Variants in BTBD1 observed in about 807,000 individuals in gnomAD.
BTBD1 encodes the protein BTB/POZ domain-containing protein 1.
Under a neutral mutation model 48.0 loss-of-function variants are expected in BTBD1, and 34 were observed. The ratio of observed to expected loss-of-function variants is 0.71; its 90% CI spans 0.54 to 0.94. The LOEUF (loss-of-function observed/expected upper bound fraction) is 0.94, where lower values mean the gene tolerates loss of function less well. BTBD1 is among the 40% of genes least tolerant of loss of function. The probability of loss-of-function intolerance (pLI) is 0.00; values close to 1 mark genes in which losing one functional copy is unlikely to be tolerated. For synonymous variants in BTBD1, 261 were observed against 242.1 expected (o/e 1.08, Z -0.72); for missense variants, 543 against 625.6 (o/e 0.87, Z 1.41).
At position 83,017,382 on chromosome 15, in the gene BTBD1, A is replaced by G. The variant is rs1193658309; in HGVS notation, c.*685T>C. ...GGGAATCCAGTCTTAGATCCTGTTT[A>G]TATCACATTTTTGTGAATTTACACA... On this transcript the variant is annotated 3_prime_UTR_variant, in exon 8 of 8. Transcript: ENST00000261721. The G allele has an allele frequency of 6.6e-6, 1 of 152,642 alleles. No individual in the cohort carries two copies. The highest frequency in any genetic ancestry group is 1.5e-5 in the Non-Finnish European group (1 of 68,052). 9.5% of individuals were successfully genotyped at this position (152,642 alleles called of 1,614,324 possible). A position where few individuals can be genotyped will look rare whatever the true frequency, so the allele number is the denominator to read the frequency against.
At chr15:83,043,323 A>G (rs752572878) in intron 3 of BTBD1, among the ~76,000 whole-genome samples, 2 of 152,160 alleles carry the variant, frequency 1.3e-5, no homozygotes, top group African/African-American at 4.8e-5. Flanking sequence ...AAGGAGGCCA[A>G]CGTGGTGGAG....
chr15:83,019,785 CAG>C (rs888410578), intron 6 of BTBD1, among the ~76,000 whole-genome samples: 4 of 150,936 alleles, frequency 2.7e-5, no homozygotes, highest in African/African-American at 9.7e-5. Flanking sequence ...TTAGTAGAGA[CAG>C]GGTTTCACCA....
Position 83,050,167 on chromosome 15 carries a change from A to G in BTBD1, c.570T>C (p.Phe190=). 1 of 1,611,378 alleles carries G rather than the reference A, an allele frequency of 6.2e-7. No homozygotes were observed. The highest frequency in any genetic ancestry group is 8.5e-7 in the Non-Finnish European group (1 of 1,178,148). ...AAAGACTAGCAAGCTGAGGTTCATC[A>G]AATAATCGAGCCTAAACATATAAAG... ...AFMLLTQARL[F]DEPQLASLCL... is the part of the protein sequence containing the mutation. The change falls in exon 3 of 8, where the codon TTT becomes TTC. Residue 190 remains phenylalanine, a synonymous_variant. Transcript: ENST00000261721.
In BTBD1 at chr15:83,018,141, AAAAGAAAAAAACAGTCTT is replaced by A. The variant is rs777656407; in HGVS notation, c.1357_1374del (p.Lys453_Phe458del). The A allele has an allele frequency of 6.2e-7, 1 of 1,612,868 alleles. No homozygotes were observed. Among genetic ancestry groups the A allele is most frequent in the Non-Finnish European group, 8.5e-7 (1 of 1,179,406 alleles). ...CCATTATTATTGCCAGGGGAACTAA[AAAAGAAAAAAACAGTCTT>A]GCTTGCAGCAGGTGTCTCATGCACT... On this transcript the variant is annotated inframe_deletion, in exon 8 of 8. Coordinates refer to ENST00000261721, the MANE Select transcript of BTBD1 (RefSeq NM_025238.4).
chr15:83,032,986 A>AAAAAAAC (rs1555439417), intron 4 of BTBD1, among the ~76,000 whole-genome samples: 1 of 151,364 alleles, frequency 6.6e-6, no homozygotes, highest in African/African-American at 2.4e-5. Flanking sequence ...AAAAAAAAAA[A>AAAAAAAC]AACAGAATAG....
At chr15:83,059,455 G>C (rs1000481462) in intron 1 of BTBD1, among the ~76,000 whole-genome samples, 1 of 152,216 alleles carries the variant, frequency 6.6e-6, no homozygotes, top group Non-Finnish European at 1.5e-5. Flanking sequence ...TGAGGCAGGA[G>C]AATCACTTGA....
chr15:83,049,965 T>C (rs747288500), intron 3 of BTBD1, 108 bp downstream of exon 3: 3 of 614,198 alleles, frequency 4.9e-6, no homozygotes, highest in East Asian at 5.5e-5. Context: ...GAGACTTCAA[T>C]CATTTGGGAA....
intron 3 of BTBD1, among the ~76,000 whole-genome samples, chr15:83,045,497 T>C (rs1385677259): frequency 6.6e-6 from 1 of 151,488 alleles, no homozygotes; most frequent in East Asian, 1.9e-4. Flanking sequence ...AAACTCTGCC[T>C]CAAAAAAACA....
chr15:83,044,131 AAAC>A (rs919305106), intron 3 of BTBD1, among the ~76,000 whole-genome samples: 2 of 152,224 alleles, frequency 1.3e-5, no homozygotes, highest in Admixed American at 1.3e-4. Context: ...TTTTTTAAAA[AAAC>A]AACACTTCAC....
At chr15:83,025,001 T>C (rs1050098445) in intron 5 of BTBD1, among the ~76,000 whole-genome samples, 2 of 152,206 alleles carry the variant, frequency 1.3e-5, no homozygotes, top group African/African-American at 4.8e-5. Flanking sequence ...ATACTTTGTC[T>C]TGTCATCTGT....
In BTBD1 at chr15:83,040,168, C is replaced by T. The variant is rs549285351; in HGVS notation, c.862+1560G>A. Among the ~76,000 whole-genome samples, 2 of 152,098 alleles carry T rather than the reference C, an allele frequency of 1.3e-5. 1 individual carries two copies. Among genetic ancestry groups the T allele is most frequent in the East Asian group, 3.9e-4 (2 of 5,180 alleles). On this transcript the variant is annotated intron_variant, in intron 4 of 7. Transcript: ENST00000261721. Reference sequence around the variant, plus strand: ...TACCGTATGTTCTCACTTGTGGAAGCTAAACATTGGATACACATGGACATA... The same window carrying T: ...TACCGTATGTTCTCACTTGTGGAAGTTAAACATTGGATACACATGGACATA...
rs2032272839 is a variant in BTBD1 at position 83,020,478 on chromosome 15, G to T, written c.1143+197C>A. ...GAGCTCCTTATATGCTACTGCTTTT[G>T]TGAAGGACCCCAATTTTCTGCAACC... On this transcript the variant is annotated intron_variant, in intron 6 of 7. Coordinates refer to ENST00000261721, the MANE Select transcript of BTBD1 (RefSeq NM_025238.4). The T allele has an allele frequency of 8.4e-6, 4 of 475,540 alleles. No homozygotes were observed. In the South Asian group the frequency reaches 1.2e-4, roughly 14 times the overall value. 29.5% of individuals were successfully genotyped at this position (475,540 alleles called of 1,614,324 possible).
In BTBD1 at chr15:83,041,788, G is replaced by C. The variant is rs763053103; in HGVS notation, c.802C>G (p.Leu268Val). 3 of 1,614,130 alleles carry C rather than the reference G, an allele frequency of 1.9e-6. No homozygotes were observed. The highest frequency in any genetic ancestry group is 2.5e-6 in the Non-Finnish European group (3 of 1,180,008). Residue 268 changes from leucine to valine, a missense_variant, in exon 4 of 8, where the codon CTA becomes GTA. By Grantham distance (32) the Leu-to-Val change is conservative. This residue lies in a region of BTBD1 where 300 missense variants were observed against 350.0 expected (regional missense o/e 0.86). Transcript: ENST00000261721. The part of the protein sequence containing the change: ...PVTFGNKQKV[L>V]GKALSLIRFP... Reference sequence around the variant, plus strand: ...CGGATTAAGGAAAGTGCTTTTCCTAGAACTTTTTGTTTATTCCCAAAAGTC... The same window carrying C: ...CGGATTAAGGAAAGTGCTTTTCCTACAACTTTTTGTTTATTCCCAAAAGTC...
rs1487130025 is a variant in BTBD1 at position 83,017,441 on chromosome 15, T to TA, written c.*625dup. 6.6e-6 allele frequency: 1 copy of TA among 152,664 alleles called. No individual in the cohort carries two copies. The highest frequency in any genetic ancestry group is 2.4e-5 in the African/African-American group (1 of 41,462). The allele number at this position is 152,664 out of a possible 1,614,324, so 9.5% of individuals were successfully genotyped here. A position where few individuals can be genotyped will look rare whatever the true frequency, so the allele number is the denominator to read the frequency against. Reference sequence around the variant, plus strand: ...TTTATAGCTTTAAAACTGTACTACATAACACATTACTATACTACTACAAAA... The same window carrying TA: ...TTTATAGCTTTAAAACTGTACTACATAAACACATTACTATACTACTACAAAA... On this transcript the variant is annotated 3_prime_UTR_variant, in exon 8 of 8. Coordinates refer to ENST00000261721, the MANE Select transcript of BTBD1 (RefSeq NM_025238.4).
rs962806142 is a variant in BTBD1 at position 83,042,003 on chromosome 15, T to C, written c.665-78A>G. 17 of 1,243,606 alleles carry C rather than the reference T, an allele frequency of 1.4e-5. No individual in the cohort carries two copies. The African/African-American group carries it at 2.1e-4, about 16-fold the overall frequency. The allele number at this position is 1,243,606 out of a possible 1,614,324, so 77.0% of individuals were successfully genotyped here. ...CAAGCAATACCAACAGACACACTTA[T>C]ATTAAGTTTTCAGATCTCAACAAAA... On this transcript the variant is annotated intron_variant, in intron 3 of 7. Coordinates refer to ENST00000261721, the MANE Select transcript of BTBD1 (RefSeq NM_025238.4).
chr15:83,053,942 C>A (rs946163846), intron 2 of BTBD1, among the ~76,000 whole-genome samples: 2 of 152,258 alleles, frequency 1.3e-5, no homozygotes, highest in Non-Finnish European at 2.9e-5. Context: ...TAAACCTTCA[C>A]AACTATCGAT....
Position 83,056,318 on chromosome 15 carries a change from A to G in BTBD1, c.558+71T>C, listed in dbSNP as rs8025896. 6,304 of 959,888 alleles carry G rather than the reference A, an allele frequency of 6.6e-3. 114 individuals carry two copies. The highest frequency in any genetic ancestry group is 0.054 in the African/African-American group (3,325 of 61,128). 59.5% of individuals were successfully genotyped at this position (959,888 alleles called of 1,614,324 possible). A position where few individuals can be genotyped will look rare whatever the true frequency, so the allele number is the denominator to read the frequency against. ...TATAATCTAGAATTCTCCAGGAAAT[A>G]TTAAATGCCCATATATAGTTTACTC... On this transcript the variant is annotated intron_variant, in intron 2 of 7. Coordinates refer to ENST00000261721, the MANE Select transcript of BTBD1 (RefSeq NM_025238.4).
chr15:83,018,352 A>C (rs560809811), intron 7 of BTBD1, 127 bp from the exon 8 acceptor site: 28 of 828,566 alleles, frequency 3.4e-5, no homozygotes, highest in Admixed American at 1.8e-4. Context: ...TTATGCTGTC[A>C]TTTAGAGAAA....
At chr15:83,051,204 A>C (rs1340134771) in intron 2 of BTBD1, among the ~76,000 whole-genome samples, 1 of 152,162 alleles carries the variant, frequency 6.6e-6, no homozygotes, top group Non-Finnish European at 1.5e-5. Context: ...GCAAACACTA[A>C]ATGCCCAAAG....
Sources: allele counts gnomAD v4.1 joint callset (sites outside exome capture counted in the v4.1 genomes callset), GRCh38; gene constraint gnomAD v4.1.1; regional missense constraint gnomAD v4.1.1; transcripts MANE v1.5; gene names NCBI Gene and HGNC (gene_info 2026-07-23, HGNC 2026-07-21).